NGF: variants seen among roughly 807,000 people sequenced by gnomAD.
NGF encodes beta-nerve growth factor.
Under a neutral mutation model 12.8 loss-of-function variants are expected in NGF, and 4 were observed. The ratio of observed to expected loss-of-function variants is 0.31; its 90% CI spans 0.15 to 0.72. The LOEUF is 0.72. Ranked by LOEUF, NGF falls within the 30% of genes least tolerant of loss-of-function variation. The pLI is 0.69. For missense variants in NGF, 283 were observed against 330.8 expected (o/e 0.86, Z 1.12); for synonymous variants, 140 against 130.0 (o/e 1.08, Z -0.52).
chr1:115,331,126 T>G (rs898328904), intron 1 of NGF, among the ~76,000 whole-genome samples: 2 of 152,218 alleles, frequency 1.3e-5, no homozygotes, highest in African/African-American at 4.8e-5. Context: ...CTCAGCTTAC[T>G]GGGCATTGGC....
rs760350868 is a variant in NGF at position 115,286,595 on chromosome 1, G to T, written c.201C>A (p.Thr67=). The T allele has an allele frequency of 1.2e-6, 2 of 1,614,206 alleles. No individual in the cohort carries two copies. Among genetic ancestry groups the T allele is most frequent in the Non-Finnish European group, 1.7e-6 (2 of 1,180,048 alleles). The change falls in exon 3 of 3, where the codon ACC becomes ACA. Residue 67 remains threonine, a synonymous_variant. Coordinates refer to ENST00000369512, the MANE Select transcript of NGF (RefSeq NM_002506.3). ...AAIAARVAGQ[T]RNITVDPRLF... ...GCCTGGGGTCCACAGTAATGTTGCG[G>T]GTCTGCCCCGCCACGCGTGCAGCTA...
At chr1:115,295,189 G>T (rs1211176695) in intron 1 of NGF, among the ~76,000 whole-genome samples, 3 of 152,184 alleles carry the variant, frequency 2.0e-5, no homozygotes, top group African/African-American at 7.2e-5. Flanking sequence ...CAACCACGAA[G>T]AGGAGTTGGA....
chr1:115,291,945 A>T (rs567600254), intron 2 of NGF, among the ~76,000 whole-genome samples: 2 of 152,162 alleles, frequency 1.3e-5, no homozygotes, highest in East Asian at 3.9e-4. Context: ...TAGAGATGGG[A>T]TACGTGAACC....
At chr1:115,295,584 G>T (rs1320553008) in intron 1 of NGF, among the ~76,000 whole-genome samples, 2 of 152,070 alleles carry the variant, frequency 1.3e-5, no homozygotes, top group African/African-American at 4.8e-5. Flanking sequence ...AAACCTGAAA[G>T]GTTGCAGGCT....
intron 1 of NGF, among the ~76,000 whole-genome samples, chr1:115,315,524 C>G (rs1654452463): frequency 6.6e-6 from 1 of 152,008 alleles, no homozygotes; most frequent in Admixed American, 6.6e-5. Flanking sequence ...GTGAGATTTA[C>G]TGAGATGGAG....
At chr1:115,302,713 C>T (rs1027221286) in intron 1 of NGF, among the ~76,000 whole-genome samples, 2 of 152,212 alleles carry the variant, frequency 1.3e-5, no homozygotes, top group African/African-American at 4.8e-5. Context: ...AGAGTGTCGC[C>T]TTTTGTCCCC....
At chr1:115,312,792 A>G (rs1007033900) in intron 1 of NGF, among the ~76,000 whole-genome samples, 10 of 152,178 alleles carry the variant, frequency 6.6e-5, no homozygotes, top group African/African-American at 1.9e-4. Context: ...CCACCCCTGG[A>G]ACATCAAAAG....
intron 2 of NGF, among the ~76,000 whole-genome samples, chr1:115,287,929 T>C (rs1653566564): frequency 6.6e-6 from 1 of 152,214 alleles, no homozygotes; most frequent in South Asian, 2.1e-4. Flanking sequence ...GGAGCTCCTA[T>C]GCATACTTGT....
chr1:115,301,527 G>C (rs898518789), intron 1 of NGF, among the ~76,000 whole-genome samples: 1 of 152,194 alleles, frequency 6.6e-6, no homozygotes, highest in African/African-American at 2.4e-5. Context: ...TCTGGGTGCA[G>C]AAGAGAAAGT....
At chr1:115,337,256 GTTTTGTTTTTGTT>G (rs1655136577) in intron 1 of NGF, among the ~76,000 whole-genome samples, 3 of 27,204 alleles carry the variant, frequency 1.1e-4, no homozygotes, top group African/African-American at 3.3e-4. Flanking sequence ...AATTTTTTTT[GTTTTGTTTTTGTT>G]TTTTTTTTTT....
Position 115,302,564 on chromosome 1 carries a change from G to A in NGF, c.-136-8814C>T, listed in dbSNP as rs573967586. Among the ~76,000 whole-genome samples, 5 of 152,328 alleles carry A rather than the reference G, an allele frequency of 3.3e-5. No individual in the cohort carries two copies. In the South Asian group the frequency reaches 6.2e-4, roughly 19 times the overall value. On this transcript the variant is annotated intron_variant, in intron 1 of 2. Transcript: ENST00000369512. Reference sequence around the variant, plus strand: ...TACAGAATGAGGGTGGAGACTGCACGGTGATAATGGAAACCATTTGTTAGC... The same window carrying A: ...TACAGAATGAGGGTGGAGACTGCACAGTGATAATGGAAACCATTTGTTAGC...
At chr1:115,311,626 C>T (rs1654337567) in intron 1 of NGF, among the ~76,000 whole-genome samples, 1 of 152,158 alleles carries the variant, frequency 6.6e-6, no homozygotes, top group South Asian at 2.1e-4. Flanking sequence ...GCCAGTAGTA[C>T]AGAGGCTGAG....
intron 1 of NGF, among the ~76,000 whole-genome samples, chr1:115,331,118 C>T (rs189438147): frequency 6.8e-4 from 103 of 152,302 alleles, no homozygotes; most frequent in African/African-American, 2.3e-3. Context: ...GAAGGGGCCT[C>T]AGCTTACTGG....
At chr1:115,312,109 G>A (rs1475546323) in intron 1 of NGF, among the ~76,000 whole-genome samples, 3 of 152,190 alleles carry the variant, frequency 2.0e-5, no homozygotes, top group African/African-American at 7.2e-5. Context: ...GCTTTAGTTT[G>A]CTGTTGCTTG....
intron 1 of NGF, among the ~76,000 whole-genome samples, chr1:115,295,000 A>C (rs1653818985): frequency 6.6e-6 from 1 of 152,202 alleles, no homozygotes; most frequent in Non-Finnish European, 1.5e-5. Context: ...CCCTCCCAAT[A>C]AAGTTCTAGA....
At chr1:115,299,738 A>C (rs1292341086) in intron 1 of NGF, among the ~76,000 whole-genome samples, 4 of 152,206 alleles carry the variant, frequency 2.6e-5, no homozygotes, top group African/African-American at 9.6e-5. Context: ...ATAATTTTTC[A>C]AACTTTTCTG....
At chr1:115,301,630 C>T (rs891476617) in intron 1 of NGF, among the ~76,000 whole-genome samples, 2 of 152,172 alleles carry the variant, frequency 1.3e-5, no homozygotes, top group Non-Finnish European at 2.9e-5. Context: ...AATGGCTGGC[C>T]ATGCACATGC....
intron 1 of NGF, among the ~76,000 whole-genome samples, chr1:115,326,501 G>T (rs553201013): frequency 9.2e-5 from 14 of 152,282 alleles, no homozygotes; most frequent in African/African-American, 2.6e-4. Flanking sequence ...TCCATCACAT[G>T]CACTTTAAGC....
At chr1:115,309,022 T>C (rs1198512096) in intron 1 of NGF, among the ~76,000 whole-genome samples, 2 of 152,194 alleles carry the variant, frequency 1.3e-5, no homozygotes, top group African/African-American at 4.8e-5. Flanking sequence ...TTAGGCTCCA[T>C]TTAACAGGAA....
Sources: allele counts gnomAD v4.1 joint callset (sites outside exome capture counted in the v4.1 genomes callset), GRCh38; gene constraint gnomAD v4.1.1; transcripts MANE v1.5; gene names NCBI Gene and HGNC (gene_info 2026-07-23, HGNC 2026-07-21).